Variants in WDR72 observed in about 807,000 individuals in gnomAD.
The protein encoded by WDR72 is WD repeat domain 72.
In WDR72, 120 loss-of-function variants were observed where a neutral mutation model predicts 124.2. That is an observed-to-expected ratio of 0.97 (90% CI 0.83 to 1.12). The LOEUF is 1.12. WDR72 is among the 50% of genes most tolerant of loss of function. The probability of loss-of-function intolerance (pLI) is 0.00; values close to 1 mark genes in which losing one functional copy is unlikely to be tolerated. For synonymous variants in WDR72, 452 were observed against 441.7 expected, an observed-to-expected ratio of 1.02 and a Z score of -0.29; for missense variants, 1,387 against 1,278.8, an observed-to-expected ratio of 1.08 and a Z score of -1.29.
chr15:53,611,081 G>A (rs1482769939), intron 16 of WDR72, among the ~76,000 whole-genome samples: 1 of 152,070 alleles, frequency 6.6e-6, no homozygotes, highest in Non-Finnish European at 1.5e-5. Flanking sequence ...AAGTATCCCA[G>A]CCTTACCAAC....
intron 14 of WDR72, among the ~76,000 whole-genome samples, chr15:53,654,265 C>T (rs955532908): frequency 6.6e-6 from 1 of 152,152 alleles, no homozygotes; most frequent in African/African-American, 2.4e-5. Flanking sequence ...ATCATTCATA[C>T]ATAACGAGAC....
chr15:53,732,544 AG>A (rs536552310), intron 2 of WDR72, among the ~76,000 whole-genome samples: 150 of 152,332 alleles, frequency 9.8e-4, no homozygotes, highest in African/African-American at 3.5e-3. Context: ...AATCACAGGC[AG>A]GCAGAGACTA....
chr15:53,696,702 T>G (rs1270486747), intron 13 of WDR72, among the ~76,000 whole-genome samples: 1 of 152,218 alleles, frequency 6.6e-6, no homozygotes, highest in African/African-American at 2.4e-5. Context: ...GTAAACATGA[T>G]GGAAGCATCT....
intron 18 of WDR72, among the ~76,000 whole-genome samples, chr15:53,530,442 G>C (rs939635562): frequency 6.6e-6 from 1 of 151,882 alleles, no homozygotes; most frequent in East Asian, 2.0e-4. Context: ...TTTCTGCAAA[G>C]TCGTTTGTTT....
In WDR72 at chr15:53,614,783, G is replaced by A. The variant is rs148043516; in HGVS notation, c.2780+643C>T. 3.3e-4 allele frequency among the ~76,000 whole-genome samples: 50 copies of A among 152,090 alleles called. No homozygotes were observed. In the East Asian group the frequency reaches 9.7e-3, roughly 29 times the overall value. Reference sequence around the variant, plus strand: ...ACACCACCCACCTCATTTTGTAAATGAGGAAAGTAAGGCCCAGAAAAGCAA... The same window carrying A: ...ACACCACCCACCTCATTTTGTAAATAAGGAAAGTAAGGCCCAGAAAAGCAA... On this transcript the variant is annotated intron_variant, in intron 15 of 19. Transcript: ENST00000360509.
chr15:53,618,736 T>C (rs2013867751), intron 14 of WDR72, among the ~76,000 whole-genome samples: 1 of 152,000 alleles, frequency 6.6e-6, no homozygotes, highest in Non-Finnish European at 1.5e-5. Flanking sequence ...CTGTGATTCT[T>C]CTAGGTGTGG....
At chr15:53,594,670 TAGTCCCAGCTACTCAAGAAGCTG>T (rs2012681866) in intron 18 of WDR72, among the ~76,000 whole-genome samples, 1 of 149,084 alleles carries the variant, frequency 6.7e-6, no homozygotes, top group Non-Finnish European at 1.5e-5. Context: ...TGCTTGCCTA[TAGTCCCAGCTACTCAAGAAGCTG>T]ACGCAGGAGG....
chr15:53,632,842 C>G (rs1468534562), intron 14 of WDR72, among the ~76,000 whole-genome samples: 1 of 152,206 alleles, frequency 6.6e-6, no homozygotes, highest in Admixed American at 6.5e-5. Context: ...CCAATTTTTC[C>G]CCTTAGGAAT....
chr15:53,560,683 T>A (rs1321158204), intron 18 of WDR72, among the ~76,000 whole-genome samples: 1 of 151,938 alleles, frequency 6.6e-6, no homozygotes, highest in African/African-American at 2.4e-5. Flanking sequence ...AGTTTTTTAG[T>A]TGCTTTGAGC....
intron 17 of WDR72, among the ~76,000 whole-genome samples, chr15:53,603,663 A>G (rs1362353446): frequency 6.6e-6 from 1 of 152,170 alleles, no homozygotes; most frequent in East Asian, 1.9e-4. Flanking sequence ...TCAATGTGCA[A>G]AAATCATTAG....
chr15:53,541,584 G>T (rs7342624), intron 18 of WDR72, among the ~76,000 whole-genome samples: 2 of 150,186 alleles, frequency 1.3e-5, no homozygotes, highest in Admixed American at 6.7e-5. Context: ...AACGCAGAGC[G>T]CCTCTCCTCC....
At chr15:53,632,906 T>C (rs756810628) in intron 14 of WDR72, among the ~76,000 whole-genome samples, 1 of 152,332 alleles carries the variant, frequency 6.6e-6, no homozygotes, top group Middle Eastern at 3.4e-3. Flanking sequence ...GTAACTAACA[T>C]GTTTTTGATA....
intron 13 of WDR72, among the ~76,000 whole-genome samples, chr15:53,692,910 A>AT (rs983752062): frequency 1.3e-5 from 2 of 152,130 alleles, no homozygotes; most frequent in African/African-American, 2.4e-5. Flanking sequence ...AATGTATCCT[A>AT]TTTTTTCTTT....
intron 17 of WDR72, among the ~76,000 whole-genome samples, chr15:53,601,491 T>C (rs1295420628): frequency 1.3e-5 from 2 of 152,142 alleles, no homozygotes; most frequent in African/African-American, 2.4e-5. Flanking sequence ...GATGACAGGA[T>C]GAAATCCACA....
At chr15:53,715,110 C>G in intron 5 of WDR72, 83 bp downstream of exon 5, 1 of 1,456,498 alleles carries the variant, frequency 6.9e-7, no homozygotes, top group Non-Finnish European at 9.5e-7. Flanking sequence ...TTCTGAATTT[C>G]TGCCCAATAA....
intron 13 of WDR72, among the ~76,000 whole-genome samples, chr15:53,686,918 C>A (rs2016653259): frequency 6.6e-6 from 1 of 151,646 alleles, no homozygotes; most frequent in Non-Finnish European, 1.5e-5. Flanking sequence ...CACTCAAAAC[C>A]ACTCAAATAC....
At chr15:53,731,328 A>G (rs1031236558) in intron 2 of WDR72, among the ~76,000 whole-genome samples, 4 of 152,024 alleles carry the variant, frequency 2.6e-5, no homozygotes, top group African/African-American at 7.2e-5. Flanking sequence ...TCCTTAATGT[A>G]GAATAACTTT....
At chr15:53,558,121 C>T (rs761877247) in intron 18 of WDR72, among the ~76,000 whole-genome samples, 3 of 152,002 alleles carry the variant, frequency 2.0e-5, no homozygotes, top group Non-Finnish European at 4.4e-5. Context: ...GACACAGCTC[C>T]ACTTCTACTA....
chr15:53,574,156 C>T (rs1045966199), intron 18 of WDR72, among the ~76,000 whole-genome samples: 2 of 152,058 alleles, frequency 1.3e-5, no homozygotes, highest in Non-Finnish European at 2.9e-5. Flanking sequence ...ATAATCCTTC[C>T]AAAGACATTT....
Sources: gnomAD v4.1 joint callset for allele counts (sites outside exome capture counted in the v4.1 genomes callset) on GRCh38, gnomAD v4.1.1 for gene constraint, MANE v1.5 for transcripts, NCBI Gene and HGNC (gene_info 2026-07-23, HGNC 2026-07-21) for gene names.